The following SCHIP1 variants were observed in gnomAD, a reference collection of about 807,000 sequenced individuals.
SCHIP1 encodes schwannomin-interacting protein 1.
Under a neutral mutation model 29.7 loss-of-function variants are expected in SCHIP1, and 8 were observed. That is an observed-to-expected ratio of 0.27 (90% confidence interval 0.16 to 0.49). SCHIP1 has a LOEUF of 0.49. Among genes scored for constraint, SCHIP1 ranks in the 20% least tolerant of loss-of-function variants. SCHIP1 has a pLI of 0.99. For synonymous variants in SCHIP1, 76 were observed against 94.9 expected, an observed-to-expected ratio of 0.80 and a Z score of 1.16; for missense variants, 193 against 294.6, an observed-to-expected ratio of 0.66 and a Z score of 2.52.
chr3:159,544,498 G>C, the SCHIP1 span, among the ~76,000 whole-genome samples: 1 of 152,062 alleles, frequency 6.6e-6, no homozygotes, highest in Non-Finnish European at 1.5e-5. Context: ...ATCAGCATAT[G>C]AATTCCTGTT....
the SCHIP1 span, among the ~76,000 whole-genome samples, chr3:159,492,494 G>C: frequency 2.6e-5 from 4 of 152,082 alleles, no homozygotes; most frequent in Non-Finnish European, 5.9e-5. Flanking sequence ...TGGAAGAAAG[G>C]GTATCAGCGA....
the SCHIP1 span, among the ~76,000 whole-genome samples, chr3:159,440,700 C>T: frequency 1.1e-4 from 16 of 152,132 alleles, no homozygotes; most frequent in South Asian, 2.5e-3. Flanking sequence ...ATACTTTCCA[C>T]GTCTACACTG....
the SCHIP1 span, among the ~76,000 whole-genome samples, chr3:159,502,610 A>G: frequency 6.6e-6 from 1 of 152,052 alleles, no homozygotes; most frequent in Admixed American, 6.5e-5. Context: ...ACCATTTAGC[A>G]TTAGGTATAT....
At chr3:159,769,177 CACAA>C in the SCHIP1 span, among the ~76,000 whole-genome samples, 1 of 149,110 alleles carries the variant, frequency 6.7e-6, no homozygotes, top group Admixed American at 6.8e-5. Flanking sequence ...GAGAGCGGGC[CACAA>C]ACAGTCGGCT....
At chr3:159,881,938 G>C (rs1577485134) in intron 2 of SCHIP1, among the ~76,000 whole-genome samples, 1 of 152,182 alleles carries the variant, frequency 6.6e-6, no homozygotes, top group Admixed American at 6.5e-5. Flanking sequence ...GTTGAGCTCT[G>C]TGCTACGAAG....
the SCHIP1 span, among the ~76,000 whole-genome samples, chr3:159,426,855 C>A: frequency 6.6e-6 from 1 of 152,168 alleles, no homozygotes; most frequent in Non-Finnish European, 1.5e-5. Flanking sequence ...TGGGTTTCAT[C>A]TCTGGGATGC....
chr3:159,470,195 T>C, the SCHIP1 span, among the ~76,000 whole-genome samples: 1 of 152,176 alleles, frequency 6.6e-6, no homozygotes, highest in Non-Finnish European at 1.5e-5. Context: ...GAACTACTGG[T>C]ATCATTTTTA....
chr3:159,406,910 T>C, the SCHIP1 span, among the ~76,000 whole-genome samples: 2 of 151,514 alleles, frequency 1.3e-5, no homozygotes, highest in Non-Finnish European at 2.9e-5. Context: ...GAGGTAAAAA[T>C]CAAGAAATTA....
chr3:159,504,515 G>A, the SCHIP1 span, among the ~76,000 whole-genome samples: 1 of 152,064 alleles, frequency 6.6e-6, no homozygotes, highest in South Asian at 2.1e-4. Context: ...AATAAGTCTG[G>A]GAAGGCAGTT....
chr3:159,646,785 A>G, the SCHIP1 span, among the ~76,000 whole-genome samples: 1 of 152,138 alleles, frequency 6.6e-6, no homozygotes, highest in African/African-American at 2.4e-5. Flanking sequence ...CCAGGCACAC[A>G]GGCAAAAGTG....
the SCHIP1 span, among the ~76,000 whole-genome samples, chr3:159,287,409 G>T: frequency 6.6e-6 from 1 of 151,832 alleles, no homozygotes; most frequent in South Asian, 2.1e-4. Flanking sequence ...GCTGGGCTGG[G>T]TATAAAACTG....
the SCHIP1 span, among the ~76,000 whole-genome samples, chr3:159,510,717 G>A: frequency 6.6e-6 from 1 of 152,192 alleles, no homozygotes; most frequent in South Asian, 2.1e-4. Context: ...GTCTGTTGGA[G>A]TTTACTGGAG....
At chr3:159,686,937 C>G in the SCHIP1 span, among the ~76,000 whole-genome samples, 1 of 152,166 alleles carries the variant, frequency 6.6e-6, no homozygotes, top group South Asian at 2.1e-4. Context: ...TGTACTAACC[C>G]TGCTTTCTTT....
At chr3:159,432,188 G>A in the SCHIP1 span, among the ~76,000 whole-genome samples, 4 of 151,938 alleles carry the variant, frequency 2.6e-5, no homozygotes, top group African/African-American at 9.7e-5. Context: ...GTTACTGCTG[G>A]TTGTTGGCGG....
chr3:159,575,192 G>A, the SCHIP1 span, among the ~76,000 whole-genome samples: 2 of 152,286 alleles, frequency 1.3e-5, no homozygotes, highest in Admixed American at 6.5e-5. Context: ...CGTCAATCAC[G>A]CTGCGATCTG....
chr3:159,715,645 G>A, the SCHIP1 span, among the ~76,000 whole-genome samples: 2 of 152,040 alleles, frequency 1.3e-5, no homozygotes, highest in African/African-American at 4.8e-5. Context: ...TGGAAGAAAG[G>A]GTATCAGTGA....
chr3:159,440,347 G>A, the SCHIP1 span, among the ~76,000 whole-genome samples: 1 of 152,118 alleles, frequency 6.6e-6, no homozygotes, highest in Non-Finnish European at 1.5e-5. Flanking sequence ...GTAACATGAT[G>A]CCTCCAGCCT....
At chr3:159,719,947 G>A in the SCHIP1 span, among the ~76,000 whole-genome samples, 232 of 152,070 alleles carry the variant, frequency 1.5e-3, no homozygotes, top group African/African-American at 5.4e-3. Context: ...TGTTTATTGC[G>A]GCACTTCACA....
At chr3:159,273,465 T>G in the SCHIP1 span, 1 of 1,061,480 alleles carries the variant, frequency 9.4e-7, no homozygotes, top group Non-Finnish European at 1.1e-6. Flanking sequence ...TCTTCTTTTC[T>G]GCATTAAGAT....
Sources: gnomAD v4.1 joint callset for allele counts (sites outside exome capture counted in the v4.1 genomes callset) on GRCh38, gnomAD v4.1.1 for gene constraint, MANE v1.5 for transcripts, NCBI Gene and HGNC (gene_info 2026-07-23, HGNC 2026-07-21) for gene names.